The following PDE4D variants were observed in gnomAD, a reference collection of about 807,000 sequenced individuals.
The protein encoded by PDE4D is 3',5'-cyclic-AMP phosphodiesterase 4D.
In PDE4D, 24 loss-of-function variants were observed where a neutral mutation model predicts 87.4. That is an observed-to-expected ratio of 0.27 (90% confidence interval 0.20 to 0.39). PDE4D has a LOEUF of 0.39. PDE4D is among the 10% of genes least tolerant of loss of function. The probability of loss-of-function intolerance (pLI) is 1.00; values close to 1 mark genes in which losing one functional copy is unlikely to be tolerated. For synonymous variants in PDE4D, 384 were observed against 383.2 expected, an observed-to-expected ratio of 1.00 and a Z score of -0.02; for missense variants, 714 against 1,041.0, an observed-to-expected ratio of 0.69 and a Z score of 4.32.
chr5:58,995,036 G>A (rs1478034727), intron 6 of PDE4D, among the ~76,000 whole-genome samples: 1 of 149,062 alleles, frequency 6.7e-6, no homozygotes, highest in Non-Finnish European at 1.5e-5. Context: ...AATAAATGCT[G>A]GGGAAAAAAC....
intron 1 of PDE4D, among the ~76,000 whole-genome samples, chr5:59,622,074 A>AG (rs1233550244): frequency 6.6e-6 from 1 of 152,174 alleles, no homozygotes; most frequent in Non-Finnish European, 1.5e-5. Flanking sequence ...ACTTGCCAGA[A>AG]GTTAAACCTG....
chr5:59,912,742 G>A (rs1356146952), intron 3 of PDE4D, among the ~76,000 whole-genome samples: 4 of 152,148 alleles, frequency 2.6e-5, no homozygotes, highest in Non-Finnish European at 4.4e-5. Context: ...GCCAGGAAAT[G>A]TTCCACTCAT....
At chr5:60,305,445 G>T (rs1754410029) in intron 1 of PDE4D, among the ~76,000 whole-genome samples, 1 of 151,704 alleles carries the variant, frequency 6.6e-6, no homozygotes, top group African/African-American at 2.4e-5. Context: ...GAAGAAGAAA[G>T]AATTGAAAAA....
At chr5:59,009,677 T>C (rs1474140053) in intron 6 of PDE4D, among the ~76,000 whole-genome samples, 1 of 152,024 alleles carries the variant, frequency 6.6e-6, no homozygotes, top group Non-Finnish European at 1.5e-5. Flanking sequence ...TAATTACACA[T>C]TACCTATATA....
At chr5:60,093,206 T>C (rs2149314774) in intron 2 of PDE4D, among the ~76,000 whole-genome samples, 1 of 152,360 alleles carries the variant, frequency 6.6e-6, no homozygotes, top group Admixed American at 6.5e-5. Flanking sequence ...CTCAGCTCTG[T>C]GCTGGGTGCT....
chr5:60,252,696 TG>T (rs1748610785), intron 1 of PDE4D, among the ~76,000 whole-genome samples: 1 of 151,684 alleles, frequency 6.6e-6, no homozygotes. Flanking sequence ...ATGGAAAGAG[TG>T]GGGAATTGGA....
At chr5:59,317,534 A>G (rs1435202755) in intron 1 of PDE4D, among the ~76,000 whole-genome samples, 2 of 152,118 alleles carry the variant, frequency 1.3e-5, no homozygotes, top group African/African-American at 4.8e-5. Flanking sequence ...AGGCATAATA[A>G]ACTAACAAAG....
chr5:59,228,091 T>C (rs1206311460), intron 1 of PDE4D, among the ~76,000 whole-genome samples: 3 of 152,220 alleles, frequency 2.0e-5, no homozygotes, highest in South Asian at 2.1e-4. Context: ...AATGAGATCA[T>C]GTTCTTTGTA....
At chr5:60,460,645 C>G in intron 1 of PDE4D, 1 of 1,189,214 alleles carries the variant, frequency 8.4e-7, no homozygotes, top group Non-Finnish European at 1.2e-6. Context: ...CCTCAGCAAG[C>G]CTGCAGAGGC....
In PDE4D at chr5:59,210,756, AT is replaced by A. The variant is rs140048716; in HGVS notation, c.647+5020del. On this transcript the variant is annotated intron_variant, in intron 2 of 14. Transcript: ENST00000340635. ...GAAGAGCCGATTGGATCATCTTTGC[AT>A]TCTATGTGTTGGTGTTAATTTAACA... Among the ~76,000 whole-genome samples, 546 of 152,302 alleles carry A rather than the reference AT, an allele frequency of 3.6e-3. 6 individuals are homozygous for A. Among genetic ancestry groups the A allele is most frequent in the African/African-American group, 0.012 (508 of 41,570 alleles).
At chr5:59,232,793 A>T (rs1755511498) in intron 1 of PDE4D, among the ~76,000 whole-genome samples, 1 of 148,342 alleles carries the variant, frequency 6.7e-6, no homozygotes, top group East Asian at 2.0e-4. Flanking sequence ...ACCAACAAAC[A>T]AACCGATAGA....
chr5:59,332,219 G>C (rs1218100488), intron 1 of PDE4D, among the ~76,000 whole-genome samples: 1 of 152,008 alleles, frequency 6.6e-6, no homozygotes, highest in Non-Finnish European at 1.5e-5. Flanking sequence ...GATGACCAAT[G>C]GTCAGTGATG....
chr5:60,114,947 T>TGGAC (rs1778018597), intron 2 of PDE4D, among the ~76,000 whole-genome samples: 1 of 98,306 alleles, frequency 1.0e-5, no homozygotes, highest in Non-Finnish European at 2.4e-5. Flanking sequence ...GATACATGGA[T>TGGAC]GGATGGATGG....
At chr5:60,324,961 T>C (rs1349718820) in intron 1 of PDE4D, among the ~76,000 whole-genome samples, 1 of 152,126 alleles carries the variant, frequency 6.6e-6, no homozygotes, top group Non-Finnish European at 1.5e-5. Context: ...ACCCAAAAGC[T>C]GGAAGATCCT....
chr5:60,102,359 G>A (rs760992995), intron 2 of PDE4D, among the ~76,000 whole-genome samples: 17 of 151,944 alleles, frequency 1.1e-4, no homozygotes, highest in Non-Finnish European at 2.4e-4. Context: ...CCTGTCACTC[G>A]ACCAAGCCTT....
chr5:60,520,695 C>T (rs1583980162), intron 1 of PDE4D, among the ~76,000 whole-genome samples: 1 of 152,320 alleles, frequency 6.6e-6, no homozygotes, highest in South Asian at 2.1e-4. Flanking sequence ...AAGAAGGCAC[C>T]GCCTAGGTTG....
In PDE4D at chr5:59,149,607, C is replaced by T. The variant is rs533896364; in HGVS notation, c.808+30988G>A. 2.0e-5 allele frequency among the ~76,000 whole-genome samples: 3 copies of T among 151,268 alleles called. No homozygotes were observed. The South Asian group carries it at 6.3e-4, about 32-fold the overall frequency. Reference sequence around the variant, plus strand: ...AATTTTCAGAGTCTGAAAAAACAGTCCTTAAGATTTTAGTGTTGGTTCCTA... The same window carrying T: ...AATTTTCAGAGTCTGAAAAAACAGTTCTTAAGATTTTAGTGTTGGTTCCTA... On this transcript the variant is annotated intron_variant, in intron 5 of 14. Coordinates refer to ENST00000340635, the MANE Select transcript of PDE4D (RefSeq NM_001104631.2).
chr5:60,104,126 C>G (rs548780876), intron 2 of PDE4D, among the ~76,000 whole-genome samples: 1 of 152,190 alleles, frequency 6.6e-6, no homozygotes, highest in African/African-American at 2.4e-5. Context: ...GGGTGACAGA[C>G]AATACCTGGA....
chr5:59,509,357 A>G (rs370107507), intron 1 of PDE4D, among the ~76,000 whole-genome samples: 63 of 151,704 alleles, frequency 4.2e-4, no homozygotes, highest in African/African-American at 1.5e-3. Flanking sequence ...AGAATTCCCT[A>G]CTATTGGAGA....
Sources: allele counts gnomAD v4.1 joint callset (sites outside exome capture counted in the v4.1 genomes callset), GRCh38; gene constraint gnomAD v4.1.1; transcripts MANE v1.5; gene names NCBI Gene and HGNC (gene_info 2026-07-23, HGNC 2026-07-21).